KIDINS220: variants seen among roughly 807,000 people sequenced by gnomAD.
KIDINS220 encodes kinase D interacting substrate 220.
In KIDINS220, 63 loss-of-function variants were observed where a neutral mutation model predicts 157.6. That is an observed-to-expected ratio of 0.40 (90% CI 0.33 to 0.49). The LOEUF (loss-of-function observed/expected upper bound fraction) is 0.49. Among genes scored for constraint, KIDINS220 ranks in the 20% least tolerant of loss-of-function variants. KIDINS220 has a pLI of 0.66. For synonymous variants in KIDINS220, 732 were observed against 783.6 expected, an observed-to-expected ratio of 0.93 and a Z score of 1.10; for missense variants, 1,772 against 2,171.2, an observed-to-expected ratio of 0.82 and a Z score of 3.65.
intron 20 of KIDINS220, among the ~76,000 whole-genome samples, chr2:8,778,003 T>G (rs1261093662): frequency 6.6e-6 from 1 of 152,132 alleles, no homozygotes; most frequent in Non-Finnish European, 1.5e-5. Context: ...AAAAACATAA[T>G]GCCAATACTA....
At chr2:8,814,564 T>C (rs1484708701) in intron 4 of KIDINS220, among the ~76,000 whole-genome samples, 1 of 152,162 alleles carries the variant, frequency 6.6e-6, no homozygotes, top group Non-Finnish European at 1.5e-5. Flanking sequence ...AACTAATTAA[T>C]GTACAACATA....
chr2:8,734,221 G>A (rs1036403667), intron 28 of KIDINS220, among the ~76,000 whole-genome samples: 3 of 152,076 alleles, frequency 2.0e-5, no homozygotes, highest in African/African-American at 7.2e-5. Context: ...CCTGGGGGTG[G>A]GGGGGTTAGT....
At chr2:8,826,838 A>C (rs1434583174) in intron 2 of KIDINS220, 148 bp downstream of exon 2, 1 of 390,662 alleles carries the variant, frequency 2.6e-6, no homozygotes, top group Non-Finnish European at 4.6e-6. Flanking sequence ...AATTTGAAGT[A>C]CTTTTAACTA....
downstream of KIDINS220, chr2:8,722,031 G>A (rs1662986622): frequency 6.6e-6 from 1 of 152,066 alleles, no homozygotes; most frequent in African/African-American, 2.4e-5. Context: ...GTTGAATTTG[G>A]GGGTTCAGTT....
intron 26 of KIDINS220, among the ~76,000 whole-genome samples, chr2:8,745,794 G>A (rs763508822): frequency 5.3e-5 from 8 of 152,122 alleles, no homozygotes; most frequent in South Asian, 4.1e-4. Flanking sequence ...GCGAAACTCC[G>A]TCAAAAGAAA....
intron 6 of KIDINS220, among the ~76,000 whole-genome samples, chr2:8,809,385 A>G (rs1014827687): frequency 3.2e-4 from 49 of 152,048 alleles, no homozygotes; most frequent in Admixed American, 1.7e-3. Context: ...CTTGAACTAT[A>G]TTGACTGTCC....
intron 7 of KIDINS220, 29 bp downstream of exon 7, chr2:8,806,242 T>C (rs1338936179): frequency 1.4e-6 from 2 of 1,465,782 alleles, no homozygotes; most frequent in Non-Finnish European, 1.9e-6. Context: ...ATGTTTCTAT[T>C]GCCAAGCATT....
chr2:8,824,399 C>T (rs1213618657), intron 2 of KIDINS220, among the ~76,000 whole-genome samples: 5 of 152,124 alleles, frequency 3.3e-5, no homozygotes, highest in Admixed American at 6.5e-5. Context: ...AACATTTATA[C>T]GTCAGGCATG....
chr2:8,737,067 A>C lies in KIDINS220; in HGVS notation c.3586-68T>G. On this transcript the variant is annotated intron_variant, in intron 26 of 29. Coordinates refer to ENST00000256707, the MANE Select transcript of KIDINS220 (RefSeq NM_020738.4). Reference sequence around the variant, plus strand: ...ATGCCATCTATAATGAGGTCATGTGACAGAGAAAAACTCATTAAGTTATAC... The same window carrying C: ...ATGCCATCTATAATGAGGTCATGTGCCAGAGAAAAACTCATTAAGTTATAC... The C allele has an allele frequency of 3.4e-6, 5 of 1,455,182 alleles. No individual in the cohort carries two copies. The South Asian group carries it at 6.1e-5, about 18-fold the overall frequency. 90.1% of individuals were successfully genotyped at this position (1,455,182 alleles called of 1,614,324 possible). A position where few individuals can be genotyped will look rare whatever the true frequency, so the allele number is the denominator to read the frequency against.
At chr2:8,741,369 C>G (rs1168873567) in intron 26 of KIDINS220, among the ~76,000 whole-genome samples, 1 of 152,178 alleles carries the variant, frequency 6.6e-6, no homozygotes, top group Non-Finnish European at 1.5e-5. Flanking sequence ...GAGTTCAAGA[C>G]CAGCCTGGCC....
chr2:8,766,050 C>T (rs1413617578), intron 22 of KIDINS220, among the ~76,000 whole-genome samples: 1 of 152,112 alleles, frequency 6.6e-6, no homozygotes, highest in African/African-American at 2.4e-5. Flanking sequence ...AGCAAATAGG[C>T]CCTGAAGCAT....
intron 2 of KIDINS220, among the ~76,000 whole-genome samples, chr2:8,822,296 A>G (rs1678088559): frequency 6.6e-6 from 1 of 152,096 alleles, no homozygotes; most frequent in Non-Finnish European, 1.5e-5. Flanking sequence ...AAACTAAAAC[A>G]TTTCGAAATC....
Position 8,757,535 on chromosome 2 carries a change from ACTACC to A in KIDINS220, c.3012-5896_3012-5892del, listed in dbSNP as rs1668164185. The A allele has an allele frequency of 2.7e-6, 4 of 1,454,696 alleles. No homozygotes were observed. The South Asian group carries it at 5.6e-5, about 20-fold the overall frequency. 90.1% of individuals were successfully genotyped at this position (1,454,696 alleles called of 1,614,324 possible). A position where few individuals can be genotyped will look rare whatever the true frequency, so the allele number is the denominator to read the frequency against. The stretch of plus-strand genomic sequence containing the variant: ...CTGTTGTTTGCTCTTTAATGTTTCA[ACTACC>A]CATTCCGTTGTCTCATGAAGGCCAG... On this transcript the variant is annotated intron_variant, in intron 22 of 29. Transcript: ENST00000256707.
chr2:8,826,726 A>T (rs1678864025), intron 2 of KIDINS220: 1 of 243,022 alleles, frequency 4.1e-6, no homozygotes, highest in African/African-American at 2.2e-5. Flanking sequence ...GATTTCAGTA[A>T]TCAAGCTTCC....
At chr2:8,744,409 T>A (rs1296786494) in intron 26 of KIDINS220, among the ~76,000 whole-genome samples, 1 of 31,696 alleles carries the variant, frequency 3.2e-5, no homozygotes, top group African/African-American at 8.4e-5. Context: ...ATAATATATA[T>A]ATATATATAT....
intron 22 of KIDINS220, among the ~76,000 whole-genome samples, 198 bp from the exon 23 acceptor site, chr2:8,751,842 T>C (rs1572500291): frequency 6.6e-6 from 1 of 151,582 alleles, no homozygotes; most frequent in Non-Finnish European, 1.5e-5. Context: ...GTGGCTGAGG[T>C]TACAGGTGTG....
chr2:8,770,801 G>A lies in KIDINS220; in HGVS notation c.2880C>T (p.Phe960=). ...GRLLRANQIS[F]NWDRLASWIN... is the part of the protein sequence containing the mutation. ...TCCAGCTAGCAAGCCTGTCCCAGTT[G>A]AAACTAATCTGATTGGCTCTCAGTA... Residue 960 remains phenylalanine (F), a synonymous_variant, in exon 22 of 30, where the codon TTC becomes TTT. Transcript: ENST00000256707. The A allele has an allele frequency of 6.2e-7, 1 of 1,608,674 alleles. No homozygotes were observed. The highest frequency in any genetic ancestry group is 8.5e-7 in the Non-Finnish European group (1 of 1,177,606).
At chr2:8,746,688 C>A (rs891916433) in intron 26 of KIDINS220, 5 of 153,788 alleles carry the variant, frequency 3.3e-5, no homozygotes, top group African/African-American at 1.2e-4. Flanking sequence ...ATTAAAGATG[C>A]ATTTTTAGTC....
intron 22 of KIDINS220, among the ~76,000 whole-genome samples, chr2:8,762,424 C>T (rs963513470): frequency 6.6e-6 from 1 of 152,090 alleles, no homozygotes; most frequent in Non-Finnish European, 1.5e-5. Context: ...TGAGAAAATA[C>T]ATTCAAAATC....
Sources: allele counts gnomAD v4.1 joint callset (sites outside exome capture counted in the v4.1 genomes callset), GRCh38; gene constraint gnomAD v4.1.1; transcripts MANE v1.5; gene names NCBI Gene and HGNC (gene_info 2026-07-23, HGNC 2026-07-21).